Variants in PHGDH observed in about 807,000 individuals in gnomAD.
PHGDH encodes the protein phosphoglycerate dehydrogenase.
Under a neutral mutation model 52.6 loss-of-function variants are expected in PHGDH, and 50 were observed. That is an observed-to-expected ratio of 0.95 (90% CI 0.76 to 1.20). The LOEUF is 1.20. Among genes scored for constraint, PHGDH ranks in the 50% most tolerant of loss-of-function variants. The pLI is 0.00. For missense variants in PHGDH, 630 were observed against 684.6 expected (o/e 0.92, Z 0.89); for synonymous variants, 271 against 280.5 (o/e 0.97, Z 0.34).
intron 2 of PHGDH, 46 bp from the exon 3 acceptor site, chr1:119,723,330 T>C (rs1297755818): frequency 2.1e-6 from 3 of 1,432,342 alleles, no homozygotes; most frequent in Admixed American, 3.3e-5. Context: ...GGAGTGGGAA[T>C]ACTGGGTCTG....
intron 3 of PHGDH, 53 bp downstream of exon 3, chr1:119,723,494 C>A: frequency 2.9e-6 from 4 of 1,379,126 alleles, no homozygotes; most frequent in Non-Finnish European, 3.1e-6. Context: ...CCAATTATTA[C>A]CACTTGCCAA....
At chr1:119,724,840 A>C (rs1651332988) in intron 3 of PHGDH, 1 of 456,450 alleles carries the variant, frequency 2.2e-6, no homozygotes, top group South Asian at 1.5e-5. Context: ...GAAGCTCCCC[A>C]TTGTCAACTG....
chr1:119,742,889 C>A lies in PHGDH; in HGVS notation c.1292C>A (p.Pro431His). The A allele has an allele frequency of 6.2e-7, 1 of 1,613,978 alleles. No individual in the cohort carries two copies. The highest frequency in any genetic ancestry group is 8.5e-7 in the Non-Finnish European group (1 of 1,179,804). The change falls in exon 11 of 12, where the codon CCT becomes CAT. Residue 431 changes from proline to histidine, a missense_variant. Pro to His is a moderately conservative substitution (Grantham distance 77, BLOSUM62 -2). Transcript: ENST00000641023. ...CTGGCCGTGGCCCTGGCAGGCGCCC[C>A]TTACCAGGCTGTGGGCTTGGTCCAA... ...CLLAVALAGAPYQAVGLVQGT... is the reference protein window; with the variant it reads ...CLLAVALAGAHYQAVGLVQGT...
At chr1:119,737,035 CT>C in intron 7 of PHGDH, 78 bp from the exon 8 acceptor site, 4 of 1,465,728 alleles carry the variant, frequency 2.7e-6, no homozygotes, top group Non-Finnish European at 3.8e-6. Context: ...TTCCCTCCAA[CT>C]TTCCTGTTGC....
Position 119,721,248 on chromosome 1 carries a change from G to C in PHGDH, c.217G>C (p.Val73Leu). ...CAACGCAGCTGAGAAACTCCAGGTG[G>C]TGGGCAGGGCTGGCACAGGTGTGGA... ...VINAAEKLQVVGRAGTGVDNV... is the reference protein window; with the variant it reads ...VINAAEKLQVLGRAGTGVDNV... The change falls in exon 2 of 12, where the codon GTG becomes CTG. Residue 73 changes from valine to leucine, a missense_variant. Transcript: ENST00000641023. 6.2e-7 allele frequency: 1 copy of C among 1,614,220 alleles called. No homozygotes were observed. Among genetic ancestry groups the C allele is most frequent in the South Asian group, 1.1e-5 (1 of 91,074 alleles).
In PHGDH at chr1:119,727,005, T is replaced by G; in HGVS notation, c.413T>G (p.Phe138Cys). Reference protein sequence around the residue: ...MKDGKWERKKFMGTELNGKTL... With the variant: ...MKDGKWERKKCMGTELNGKTL... ...TTCCTTTTGCCTGTTTGGTTGCAGTTCATGGGAACAGAGCTGAATGGAAAG... is the reference window on the plus strand; with the variant it reads ...TTCCTTTTGCCTGTTTGGTTGCAGTGCATGGGAACAGAGCTGAATGGAAAG... Residue 138 changes from phenylalanine (F) to cysteine (C), a missense_variant and splice_region_variant, in exon 5 of 12, where the codon TTC becomes TGC. Phe to Cys is a radical substitution (Grantham distance 205). Coordinates refer to ENST00000641023, the MANE Select transcript of PHGDH (RefSeq NM_006623.4). 3 of 1,613,278 alleles carry G rather than the reference T, an allele frequency of 1.9e-6. No individual in the cohort carries two copies. Among genetic ancestry groups the G allele is most frequent in the Non-Finnish European group, 2.5e-6 (3 of 1,179,144 alleles).
chr1:119,722,848 C>G (rs986316004), intron 2 of PHGDH, among the ~76,000 whole-genome samples: 2 of 146,722 alleles, frequency 1.4e-5, no homozygotes, highest in Non-Finnish European at 3.0e-5. Context: ...CTGCAGTGAG[C>G]TGTGATCATG....
intron 1 of PHGDH, among the ~76,000 whole-genome samples, chr1:119,717,295 T>C (rs928858461): frequency 6.8e-6 from 1 of 147,804 alleles, no homozygotes; most frequent in Non-Finnish European, 1.5e-5. Context: ...CTTTTGGTGA[T>C]GAATCCTTGT....
chr1:119,712,548 C>T (rs1650743948), intron 1 of PHGDH: 1 of 288,666 alleles, frequency 3.5e-6, no homozygotes, highest in Non-Finnish European at 6.8e-6. Context: ...CCCCCAACCG[C>T]CTCCGCGCGG....
At chr1:119,737,771 C>A (rs950218989) in intron 8 of PHGDH, among the ~76,000 whole-genome samples, 31 of 152,168 alleles carry the variant, frequency 2.0e-4, no homozygotes, top group African/African-American at 7.5e-4. Flanking sequence ...GGCATAAGAC[C>A]CCCACTTCTT....
intron 3 of PHGDH, chr1:119,726,492 C>G (rs1325019662): frequency 9.9e-6 from 4 of 405,396 alleles, no homozygotes; most frequent in Non-Finnish European, 1.9e-5. Context: ...TACTCGATGT[C>G]ATCAGAGTTG....
chr1:119,733,991 G>C (rs587638284), intron 5 of PHGDH, among the ~76,000 whole-genome samples: 7 of 152,272 alleles, frequency 4.6e-5, no homozygotes, highest in African/African-American at 1.7e-4. Context: ...GGCAGTGACT[G>C]GGGGAGGACA....
chr1:119,743,486 G>T (rs1232400714), intron 11 of PHGDH, among the ~76,000 whole-genome samples: 1 of 152,218 alleles, frequency 6.6e-6, no homozygotes, highest in Non-Finnish European at 1.5e-5. Context: ...TCTTGGACCT[G>T]CCCCAGTCAG....
Position 119,741,816 on chromosome 1 carries a change from C to T in PHGDH, c.1128C>T (p.Val376=), listed in dbSNP as rs199677303. 3.8e-5 allele frequency: 61 copies of T among 1,612,624 alleles called. No homozygotes were observed. The highest frequency in any genetic ancestry group is 4.5e-5 in the Non-Finnish European group (53 of 1,178,702). The change falls in exon 10 of 12, where the codon GTC becomes GTT. Residue 376 remains valine, a synonymous_variant. Transcript: ENST00000641023. ...ACTGCCTAAGCCCCGCAGTCATTGT[C>T]GGCCTCCTGAAAGAGGCTTCCAAGC... is the stretch of plus-strand genomic sequence containing the variant. ...AGNCLSPAVI[V]GLLKEASKQA...
intron 7 of PHGDH, among the ~76,000 whole-genome samples, chr1:119,736,873 T>C (rs1651962712): frequency 6.6e-6 from 1 of 152,142 alleles, no homozygotes; most frequent in Non-Finnish European, 1.5e-5. Flanking sequence ...GGCACCTAGG[T>C]GGTTAAGTGG....
At chr1:119,742,225 C>G (rs1329574293) in intron 10 of PHGDH, 1 of 412,182 alleles carries the variant, frequency 2.4e-6, no homozygotes, top group Non-Finnish European at 4.6e-6. Context: ...CTGCCTAACT[C>G]CCCTCAGGGC....
chr1:119,729,075 C>G (rs1425436390), intron 5 of PHGDH, among the ~76,000 whole-genome samples: 1 of 152,316 alleles, frequency 6.6e-6, no homozygotes, highest in Non-Finnish European at 1.5e-5. Flanking sequence ...TCCCTCCTGC[C>G]TCCACTCCCC....
intron 2 of PHGDH, 103 bp downstream of exon 2, chr1:119,721,424 T>C: frequency 8.7e-7 from 1 of 1,154,236 alleles, no homozygotes; most frequent in Non-Finnish European, 1.2e-6. Context: ...CTGAGTCCAT[T>C]GGAAGGGCTT....
At chr1:119,712,182 T>G in intron 1 of PHGDH, 22 bp downstream of exon 1, 2 of 1,611,586 alleles carry the variant, frequency 1.2e-6, no homozygotes, top group Non-Finnish European at 1.7e-6. Context: ...GAGAGAAAAT[T>G]GAGGTCTCTA....
Sources: allele counts gnomAD v4.1 joint callset (sites outside exome capture counted in the v4.1 genomes callset), GRCh38; gene constraint gnomAD v4.1.1; transcripts MANE v1.5; gene names NCBI Gene and HGNC (gene_info 2026-07-23, HGNC 2026-07-21).